SLTM: variants seen among roughly 807,000 people sequenced by gnomAD.
SLTM encodes SAFB like transcription modulator, also known as SAFB-like transcription modulator.
SLTM carries 43 observed loss-of-function variants against 134.6 expected under a neutral mutation model. That is an observed-to-expected ratio of 0.32 (90% CI 0.25 to 0.41). SLTM has a LOEUF of 0.41. Among genes scored for constraint, SLTM ranks in the 10% least tolerant of loss-of-function variants. The pLI, the probability that SLTM is intolerant of heterozygous loss-of-function variation, is 1.00. For missense variants in SLTM, 1,055 were observed against 1,288.8 expected, an observed-to-expected ratio of 0.82 and a Z score of 2.78; for synonymous variants, 424 against 432.3, an observed-to-expected ratio of 0.98 and a Z score of 0.24.
intron 2 of SLTM, among the ~76,000 whole-genome samples, chr15:58,918,399 G>A (rs2036794907): frequency 6.6e-6 from 1 of 152,176 alleles, no homozygotes; most frequent in African/African-American, 2.4e-5. Context: ...TTAAAGGTTA[G>A]TAAACCTGCA....
chr15:58,892,667 T>C (rs1209606817), intron 14 of SLTM, among the ~76,000 whole-genome samples: 1 of 152,170 alleles, frequency 6.6e-6, no homozygotes, highest in Non-Finnish European at 1.5e-5. Flanking sequence ...AATTGTATAA[T>C]GGGCATAACT....
intron 2 of SLTM, among the ~76,000 whole-genome samples, chr15:58,925,855 T>C (rs1327451193): frequency 1.3e-5 from 2 of 152,196 alleles, no homozygotes; most frequent in Admixed American, 1.3e-4. Context: ...CTTTCTATTC[T>C]ACCAGTAAAA....
intron 20 of SLTM, among the ~76,000 whole-genome samples, chr15:58,880,975 A>G (rs1274046587): frequency 6.6e-6 from 1 of 152,204 alleles, no homozygotes; most frequent in East Asian, 1.9e-4. Context: ...GTGTAATGCA[A>G]CAGAGCAGAT....
At chr15:58,906,677 T>G (rs895490163) in intron 5 of SLTM, among the ~76,000 whole-genome samples, 4 of 152,172 alleles carry the variant, frequency 2.6e-5, no homozygotes, top group African/African-American at 9.7e-5. Context: ...CAAAATAACT[T>G]TTAAACCACT....
intron 10 of SLTM, 70 bp downstream of exon 10, chr15:58,894,363 G>T: frequency 1.3e-6 from 2 of 1,561,520 alleles, no homozygotes; most frequent in Non-Finnish European, 1.8e-6. Flanking sequence ...CCCTGCTACT[G>T]TTAACAGCTA....
At chr15:58,915,158 T>G (rs2036540631) in intron 3 of SLTM, among the ~76,000 whole-genome samples, 1 of 151,842 alleles carries the variant, frequency 6.6e-6, no homozygotes, top group Admixed American at 6.6e-5. Flanking sequence ...ACCACTGCAC[T>G]CCAGCCTGGG....
At chr15:58,922,573 TTA>T (rs1259329779) in intron 2 of SLTM, among the ~76,000 whole-genome samples, 1 of 140,118 alleles carries the variant, frequency 7.1e-6, no homozygotes, top group Admixed American at 7.1e-5. Flanking sequence ...ATAATATATA[TTA>T]TATACGTATA....
chr15:58,893,295 C>T lies in SLTM; in HGVS notation c.1718G>A (p.Arg573Lys), dbSNP rs1184296421. 1 of 1,610,498 alleles carries T rather than the reference C, an allele frequency of 6.2e-7. No individual in the cohort carries two copies. The highest frequency in any genetic ancestry group is 8.5e-7 in the Non-Finnish European group (1 of 1,178,132). ...TKGDHCRPSR[R>K]GRYEKIHGRS... The stretch of plus-strand genomic sequence containing the variant: ...GAGACTTACTTTCTCATATCTTCCT[C>T]TTCTTGATGGTCTACAATGATCTCC... Residue 573 changes from arginine to lysine, a missense_variant, in exon 13 of 21, where the codon AGA becomes AAA. Around this residue, in one of 3 missense-constraint regions of SLTM, gnomAD observed 776 missense variants for 962.2 expected, o/e 0.81. Transcript: ENST00000380516.
intron 5 of SLTM, among the ~76,000 whole-genome samples, chr15:58,906,430 A>G (rs908561522): frequency 3.9e-5 from 6 of 152,224 alleles, no homozygotes; most frequent in East Asian, 1.9e-4. Context: ...GCTAAAATAC[A>G]TAAAGCTCCT....
intron 8 of SLTM, 139 bp from the exon 9 acceptor site, chr15:58,897,372 T>A (rs2141014998): frequency 3.6e-6 from 2 of 554,666 alleles, no homozygotes; most frequent in East Asian, 5.6e-5. Context: ...TTACTATTAT[T>A]GAAATCAAAC....
intron 17 of SLTM, 87 bp downstream of exon 17, chr15:58,888,298 T>G (rs2034387542): frequency 4.2e-6 from 5 of 1,187,922 alleles, no homozygotes; most frequent in Admixed American, 2.3e-5. Context: ...AGTTCTGACC[T>G]GGTACTTCCA....
intron 3 of SLTM, chr15:58,916,610 C>A (rs1023243890): frequency 1.6e-5 from 3 of 192,656 alleles, no homozygotes; most frequent in African/African-American, 7.1e-5. Context: ...TACCAATATC[C>A]TTCCCTGTGA....
Position 58,893,195 on chromosome 15 carries a change from C to A in SLTM, c.1734+84G>T, listed in dbSNP as rs776356725. 2.6e-5 allele frequency: 37 copies of A among 1,425,144 alleles called. No homozygotes were observed. In the East Asian group the frequency reaches 7.6e-4, roughly 29 times the overall value. 88.3% of individuals were successfully genotyped at this position (1,425,144 alleles called of 1,614,324 possible). A position where few individuals can be genotyped will look rare whatever the true frequency, so the allele number is the denominator to read the frequency against. ...TCTTGGGTTTGCTAGCATGCAAGTA[C>A]GCAAAGATGGTTATGGAAAAACAGA... On this transcript the variant is annotated intron_variant, in intron 13 of 20. Coordinates refer to ENST00000380516, the MANE Select transcript of SLTM (RefSeq NM_024755.4).
In SLTM at chr15:58,933,655, G is replaced by C. The variant is rs895807887; in HGVS notation, c.-90C>G. 3.6e-6 allele frequency: 5 copies of C among 1,371,910 alleles called. No individual in the cohort carries two copies. The African/African-American group carries it at 7.7e-5, about 21-fold the overall frequency. 85.0% of individuals were successfully genotyped at this position (1,371,910 alleles called of 1,614,324 possible). ...TTCCACCCAGGCCTCGGCGGCCGCCGGCGCCGCGCAGCGCTGCGCACAATG... is the reference window on the plus strand; with the variant it reads ...TTCCACCCAGGCCTCGGCGGCCGCCCGCGCCGCGCAGCGCTGCGCACAATG... On this transcript the variant is annotated 5_prime_UTR_variant, in exon 1 of 21. Coordinates refer to ENST00000380516, the MANE Select transcript of SLTM (RefSeq NM_024755.4).
chr15:58,895,073 G>A (rs925034842), intron 9 of SLTM, among the ~76,000 whole-genome samples: 4 of 152,054 alleles, frequency 2.6e-5, no homozygotes, highest in African/African-American at 9.7e-5. Context: ...ACAATTTAAA[G>A]TGCCAAAAAG....
At chr15:58,932,887 A>G (rs1477565827) in intron 1 of SLTM, among the ~76,000 whole-genome samples, 1 of 152,240 alleles carries the variant, frequency 6.6e-6, no homozygotes, top group African/African-American at 2.4e-5. Context: ...TGCAAAAACT[A>G]AAAGCCTAGT....
chr15:58,922,815 C>T (rs553258655), intron 2 of SLTM, among the ~76,000 whole-genome samples: 7 of 151,228 alleles, frequency 4.6e-5, no homozygotes, highest in East Asian at 3.9e-4. Flanking sequence ...TGGGTTCGAG[C>T]GATTCTCCCG....
intron 1 of SLTM, 41 bp downstream of exon 1, chr15:58,933,363 G>T: frequency 6.5e-7 from 1 of 1,542,694 alleles, no homozygotes; most frequent in Non-Finnish European, 8.8e-7. Flanking sequence ...CGCGGCCTAA[G>T]TTCCCCTTCC....
At position 58,909,882 on chromosome 15, in the gene SLTM, C is replaced by T. The variant is rs533606861; in HGVS notation, c.561+2681G>A. 1.2e-4 allele frequency among the ~76,000 whole-genome samples: 18 copies of T among 152,310 alleles called. No individual in the cohort carries two copies. In the East Asian group the frequency reaches 2.1e-3, roughly 18 times the overall value. On this transcript the variant is annotated intron_variant, in intron 5 of 20. Coordinates refer to ENST00000380516, the MANE Select transcript of SLTM (RefSeq NM_024755.4). The stretch of plus-strand genomic sequence containing the variant: ...CATGAGATGCCTGTTTTTGCCAACC[C>T]TTGCTCTATGGGATAAGCAAGTTGC...
Sources: allele counts gnomAD v4.1 joint callset (sites outside exome capture counted in the v4.1 genomes callset), GRCh38; gene constraint gnomAD v4.1.1; regional missense constraint gnomAD v4.1.1; transcripts MANE v1.5; gene names NCBI Gene and HGNC (gene_info 2026-07-23, HGNC 2026-07-21).